The following MFN1 variants were observed in gnomAD, a reference collection of about 807,000 sequenced individuals.
The protein encoded by MFN1 is mitofusin-1.
MFN1 carries 65 observed loss-of-function variants against 92.4 expected under a neutral mutation model. The observed-to-expected ratio is 0.70, with a 90% CI of 0.58 to 0.86. The LOEUF (loss-of-function observed/expected upper bound fraction) is 0.86. Ranked by LOEUF, MFN1 falls within the 40% of genes least tolerant of loss-of-function variation. The pLI is 0.00. For synonymous variants in MFN1, 297 were observed against 300.9 expected, an observed-to-expected ratio of 0.99 and a Z score of 0.13; for missense variants, 781 against 868.0, an observed-to-expected ratio of 0.90 and a Z score of 1.26.
In MFN1 at chr3:179,389,941, T is replaced by C. The variant is rs1241329770; in HGVS notation, c.2013-63T>C. ...CTTGTGTTCTTCTTTTTATGTGAGC[T>C]TTAAATTAAAGCTTATTCATTTTTG... On this transcript the variant is annotated intron_variant, in intron 16 of 17. Coordinates refer to ENST00000471841, the MANE Select transcript of MFN1 (RefSeq NM_033540.3). 2.7e-6 allele frequency: 4 copies of C among 1,456,864 alleles called. No homozygotes were observed. The Admixed American group carries it at 7.0e-5, about 26-fold the overall frequency. The allele number at this position is 1,456,864 out of a possible 1,614,324, so 90.2% of individuals were successfully genotyped here.
rs35345400 is a variant in MFN1 at position 179,394,408 on chromosome 3, CTTTTTTTTTTTTT to C, written c.*2362_*2374del. 2.4e-5 allele frequency: 2 copies of C among 83,632 alleles called. No individual in the cohort carries two copies. The highest frequency in any genetic ancestry group is 2.2e-5 in the Non-Finnish European group (1 of 45,930). 5.2% of individuals were successfully genotyped at this position (83,632 alleles called of 1,614,324 possible). ...GGAACAGTAAAATAACGAAAGCCAA[CTTTTTTTTTTTTT>C]TTTTTTTTTTTTGAGACGGAGTCTC... On this transcript the variant is annotated 3_prime_UTR_variant, in exon 18 of 18. Coordinates refer to ENST00000471841, the MANE Select transcript of MFN1 (RefSeq NM_033540.3).
intron 10 of MFN1, chr3:179,376,820 G>T (rs1033157483): frequency 8.6e-6 from 3 of 348,912 alleles, no homozygotes; most frequent in Non-Finnish European, 1.6e-5. Context: ...CATCCTTTCT[G>T]GGATTCAGGT....
intron 3 of MFN1, among the ~76,000 whole-genome samples, 189 bp from the exon 4 acceptor site, chr3:179,358,651 C>T (rs1712440449): frequency 6.6e-6 from 1 of 152,184 alleles, no homozygotes; most frequent in African/African-American, 2.4e-5. Context: ...TGTCTTCTTG[C>T]ACTTTATTTT....
Position 179,375,525 on chromosome 3 carries a change from C to A in MFN1, c.1097+184C>A, listed in dbSNP as rs374140905. 2.0e-5 allele frequency among the ~76,000 whole-genome samples: 3 copies of A among 152,184 alleles called. No homozygotes were observed. The East Asian group carries it at 5.8e-4, about 29-fold the overall frequency. On this transcript the variant is annotated intron_variant, in intron 10 of 17. Coordinates refer to ENST00000471841, the MANE Select transcript of MFN1 (RefSeq NM_033540.3). ...GAAAGTGTCGATATTTATTCTGCAACCTTGCACACATCATTTATATCCCCT... is the reference window on the plus strand; with the variant it reads ...GAAAGTGTCGATATTTATTCTGCAAACTTGCACACATCATTTATATCCCCT...
chr3:179,353,027 C>T (rs1433319394), intron 3 of MFN1, among the ~76,000 whole-genome samples: 2 of 150,764 alleles, frequency 1.3e-5, no homozygotes, highest in African/African-American at 4.9e-5. Context: ...GTTGGAATTA[C>T]AGGCGTGAGC....
chr3:179,364,939 T>C (rs181112691), intron 6 of MFN1, among the ~76,000 whole-genome samples, 179 bp from the exon 7 acceptor site: 2 of 152,350 alleles, frequency 1.3e-5, no homozygotes, highest in East Asian at 1.9e-4. Flanking sequence ...ATAACATGAT[T>C]TTTTAAAGTT....
At chr3:179,372,044 TA>T (rs1713041147) in intron 9 of MFN1, among the ~76,000 whole-genome samples, 2 of 146,548 alleles carry the variant, frequency 1.4e-5, no homozygotes, top group African/African-American at 5.0e-5. Flanking sequence ...TTATATATAT[TA>T]TATATATTTA....
chr3:179,392,676 C>G lies in MFN1; in HGVS notation c.*617C>G, dbSNP rs1361829304. 6.6e-6 allele frequency: 1 copy of G among 152,144 alleles called. No individual in the cohort carries two copies. Among genetic ancestry groups the G allele is most frequent in the East Asian group, 1.9e-4 (1 of 5,194 alleles). The allele number at this position is 152,144 out of a possible 1,614,324, so 9.4% of individuals were successfully genotyped here. ...TAAGTATCTGGGTCTAAGTAATTTC[C>G]TTAGATGTTTCTAAAGAAACATTTT... On this transcript the variant is annotated 3_prime_UTR_variant, in exon 18 of 18. Transcript: ENST00000471841.
intron 6 of MFN1, among the ~76,000 whole-genome samples, 168 bp from the exon 7 acceptor site, chr3:179,364,950 A>G (rs1029763823): frequency 7.2e-5 from 11 of 152,210 alleles, no homozygotes; most frequent in African/African-American, 2.7e-4. Context: ...TTTTAAAGTT[A>G]TCAGTTTTTT....
At chr3:179,362,584 A>G (rs1019768611) in intron 5 of MFN1, 102 bp downstream of exon 5, 2 of 1,108,518 alleles carry the variant, frequency 1.8e-6, no homozygotes, top group African/African-American at 1.6e-5. Context: ...TTCAGTTGCC[A>G]TTTTGTTCTC....
At chr3:179,379,288 AG>A (rs1189672964) in intron 14 of MFN1, among the ~76,000 whole-genome samples, 2 of 152,198 alleles carry the variant, frequency 1.3e-5, no homozygotes, top group Non-Finnish European at 2.9e-5. Context: ...TGCATTACCC[AG>A]TATGGGCTTC....
Position 179,385,695 on chromosome 3 carries a change from A to C in MFN1, c.1789A>C (p.Met597Leu). ...GGCGTCCGTTACATCTAGAACTTCTATGGGCATCATTATTGTTGGAGGAGT... is the reference window on the plus strand; with the variant it reads ...GGCGTCCGTTACATCTAGAACTTCTCTGGGCATCATTATTGTTGGAGGAGT... ...GLASVTSRTS[M>L]GIIIVGGVIW... is the part of the protein sequence containing the mutation. Residue 597 changes from methionine (M) to leucine (L), a missense_variant, in exon 15 of 18, where the codon ATG becomes CTG. Coordinates refer to ENST00000471841, the MANE Select transcript of MFN1 (RefSeq NM_033540.3). 6.2e-7 allele frequency: 1 copy of C among 1,613,412 alleles called. No individual in the cohort carries two copies. Among genetic ancestry groups the C allele is most frequent in the South Asian group, 1.1e-5 (1 of 90,870 alleles).
At chr3:179,362,570 AAC>A in intron 5 of MFN1, 88 bp downstream of exon 5, 1 of 1,220,654 alleles carries the variant, frequency 8.2e-7, no homozygotes, top group South Asian at 2.2e-5. Context: ...AAAAAATTAC[AAC>A]ATTCAGTTGC....
chr3:179,373,955 G>T (rs994905552), intron 9 of MFN1, among the ~76,000 whole-genome samples: 6 of 151,898 alleles, frequency 4.0e-5, no homozygotes, highest in African/African-American at 1.4e-4. Flanking sequence ...TTACAGGAGT[G>T]AGCCACCACG....
intron 3 of MFN1, among the ~76,000 whole-genome samples, chr3:179,354,600 A>G (rs1165138298): frequency 6.6e-6 from 1 of 152,232 alleles, no homozygotes; most frequent in Non-Finnish European, 1.5e-5. Context: ...GGGTCCATAA[A>G]GTGAAAGCAA....
In MFN1 at chr3:179,378,781, G is replaced by C; in HGVS notation, c.1629G>C (p.Arg543Ser). The C allele has an allele frequency of 6.2e-7, 1 of 1,613,516 alleles. No homozygotes were observed. Among genetic ancestry groups the C allele is most frequent in the South Asian group, 1.1e-5 (1 of 91,066 alleles). Residue 543 changes from arginine to serine, a missense_variant, in exon 14 of 18, where the codon AGG becomes AGC. Physicochemically the swap from Arg to Ser is moderately radical, Grantham distance 110. Coordinates refer to ENST00000471841, the MANE Select transcript of MFN1 (RefSeq NM_033540.3). ...HRFLGPRNAQ[R>S]VLLGLSEPIF... ...TTTTGGGCCCTAGAAATGCTCAAAGGGTGCTCCTAGGATTATCAGAGCCTA... is the reference window on the plus strand; with the variant it reads ...TTTTGGGCCCTAGAAATGCTCAAAGCGTGCTCCTAGGATTATCAGAGCCTA...
rs755595168 is a variant in MFN1, at chr3:179,367,433, C to T, written c.754-6C>T. On this transcript the variant is annotated splice_polypyrimidine_tract_variant and splice_region_variant and intron_variant, in intron 7 of 17. Transcript: ENST00000471841. The stretch of plus-strand genomic sequence containing the variant: ...TAGAATTCTTTTAATACCGTTTTCT[C>T]TGTAGGTACGCAGACAGCACATGGA... 2.5e-6 allele frequency: 4 copies of T among 1,596,294 alleles called. No individual in the cohort carries two copies. The South Asian group carries it at 4.5e-5, about 18-fold the overall frequency.
At chr3:179,389,966 G>C (rs1459992074) in intron 16 of MFN1, 38 bp from the exon 17 acceptor site, 9 of 1,548,970 alleles carry the variant, frequency 5.8e-6, no homozygotes, top group Non-Finnish European at 7.8e-6. Flanking sequence ...ATTCATTTTT[G>C]AAGACATTTA....
chr3:179,371,881 A>G (rs1253300916), intron 9 of MFN1, among the ~76,000 whole-genome samples: 1 of 151,876 alleles, frequency 6.6e-6, no homozygotes, highest in Non-Finnish European at 1.5e-5. Context: ...TTAGAAGACA[A>G]GTATTGATGT....
Sources: gnomAD v4.1 joint callset for allele counts (sites outside exome capture counted in the v4.1 genomes callset) on GRCh38, gnomAD v4.1.1 for gene constraint, MANE v1.5 for transcripts, NCBI Gene and HGNC (gene_info 2026-07-23, HGNC 2026-07-21) for gene names.